GRM5: variants seen among roughly 807,000 people sequenced by gnomAD.
GRM5 encodes the protein glutamate metabotropic receptor 5, also known as metabotropic glutamate receptor 5.
In GRM5, 19 loss-of-function variants were observed where a neutral mutation model predicts 83.1. The observed-to-expected ratio is 0.23, with a 90% CI of 0.16 to 0.34. The LOEUF is 0.34. Among genes scored for constraint, GRM5 ranks in the 10% least tolerant of loss-of-function variants. The pLI is 1.00. For synonymous variants in GRM5, 675 were observed against 633.6 expected, an observed-to-expected ratio of 1.07 and a Z score of -0.98; for missense variants, 1,160 against 1,588.3, an observed-to-expected ratio of 0.73 and a Z score of 4.58.
At chr11:89,060,467 TA>T (rs1941969424) in intron 1 of GRM5, among the ~76,000 whole-genome samples, 1 of 152,058 alleles carries the variant, frequency 6.6e-6, no homozygotes, top group Admixed American at 6.6e-5. Context: ...GACAGTAGAA[TA>T]AAAAACGTAG....
chr11:88,898,634 TACAC>T (rs994027658), intron 2 of GRM5, among the ~76,000 whole-genome samples: 30 of 151,126 alleles, frequency 2.0e-4, no homozygotes, highest in African/African-American at 6.8e-4. Flanking sequence ...GTGTCATATA[TACAC>T]ACACACACAC....
At chr11:88,937,484 T>C (rs1459275970) in intron 2 of GRM5, among the ~76,000 whole-genome samples, 1 of 151,682 alleles carries the variant, frequency 6.6e-6, no homozygotes, top group African/African-American at 2.4e-5. Context: ...ATAGCTTCAT[T>C]TATCAGTAGT....
intron 1 of GRM5, among the ~76,000 whole-genome samples, chr11:89,057,512 A>G (rs1217845484): frequency 6.6e-6 from 1 of 152,202 alleles, no homozygotes; most frequent in African/African-American, 2.4e-5. Context: ...CATTAATTAA[A>G]AAGTTCTGGC....
chr11:88,612,349 T>G (rs1381159783), intron 4 of GRM5, among the ~76,000 whole-genome samples: 2 of 150,568 alleles, frequency 1.3e-5, no homozygotes, highest in Non-Finnish European at 3.0e-5. Context: ...TGCCACATTT[T>G]CTTAATCCAG....
At chr11:88,890,028 G>A (rs1270830959) in intron 2 of GRM5, among the ~76,000 whole-genome samples, 11 of 152,124 alleles carry the variant, frequency 7.2e-5, no homozygotes, top group Non-Finnish European at 2.9e-5. Flanking sequence ...TGTGTAATAA[G>A]TAGGCAGGAA....
chr11:88,888,719 T>C (rs1320860408), intron 2 of GRM5, among the ~76,000 whole-genome samples: 2 of 152,160 alleles, frequency 1.3e-5, no homozygotes, highest in African/African-American at 4.8e-5. Context: ...TTCTGAAAAG[T>C]TTTAATTAAT....
chr11:88,818,106 A>G (rs1001563245), intron 3 of GRM5, among the ~76,000 whole-genome samples: 2 of 152,108 alleles, frequency 1.3e-5, no homozygotes, highest in Admixed American at 1.3e-4. Flanking sequence ...AAACATAAAA[A>G]ACTATAAATC....
chr11:88,990,918 C>A (rs1939942581), intron 2 of GRM5, among the ~76,000 whole-genome samples: 1 of 152,214 alleles, frequency 6.6e-6, no homozygotes, highest in Non-Finnish European at 1.5e-5. Flanking sequence ...ACTGAATGGG[C>A]AAAAACTGGA....
intron 4 of GRM5, among the ~76,000 whole-genome samples, chr11:88,631,345 T>C (rs1347082808): frequency 6.6e-6 from 1 of 152,226 alleles, no homozygotes; most frequent in African/African-American, 2.4e-5. Context: ...TAATATGCTG[T>C]AAATCATCAT....
At chr11:88,531,265 A>T (rs1942001353) in intron 8 of GRM5, among the ~76,000 whole-genome samples, 1 of 152,092 alleles carries the variant, frequency 6.6e-6, no homozygotes, top group African/African-American at 2.4e-5. Flanking sequence ...TTAGGAGGGA[A>T]TTGGGTTTCA....
intron 3 of GRM5, among the ~76,000 whole-genome samples, chr11:88,717,971 G>C (rs1425251309): frequency 6.6e-6 from 1 of 151,684 alleles, no homozygotes; most frequent in Non-Finnish European, 1.5e-5. Context: ...GTTTTATTTA[G>C]GCAACAGACT....
intron 3 of GRM5, among the ~76,000 whole-genome samples, chr11:88,723,083 A>G (rs1029139261): frequency 6.6e-6 from 1 of 151,774 alleles, no homozygotes; most frequent in Non-Finnish European, 1.5e-5. Flanking sequence ...CTGTTTCCAT[A>G]GTTTTTCTTT....
At chr11:88,561,293 G>C (rs957982166) in intron 8 of GRM5, among the ~76,000 whole-genome samples, 2 of 152,140 alleles carry the variant, frequency 1.3e-5, no homozygotes, top group African/African-American at 4.8e-5. Context: ...TTAAAGCAAA[G>C]TTAATTAGTT....
chr11:88,917,598 A>G (rs978930694), intron 2 of GRM5, among the ~76,000 whole-genome samples: 5 of 152,156 alleles, frequency 3.3e-5, no homozygotes, highest in African/African-American at 1.2e-4. Context: ...ATTACAGAGA[A>G]GAAATTCAGA....
intron 2 of GRM5, among the ~76,000 whole-genome samples, chr11:88,940,350 T>A (rs2135664409): frequency 6.6e-6 from 1 of 150,504 alleles, no homozygotes; most frequent in Non-Finnish European, 1.5e-5. Flanking sequence ...TTAAAAGCAA[T>A]TCAGCCTCCA....
At chr11:88,990,281 C>T (rs1051522141) in intron 2 of GRM5, among the ~76,000 whole-genome samples, 18 of 152,186 alleles carry the variant, frequency 1.2e-4, no homozygotes, top group Middle Eastern at 3.4e-3. Context: ...ATAAATTCCT[C>T]GACCCATACA....
intron 2 of GRM5, among the ~76,000 whole-genome samples, chr11:88,859,097 GT>G: frequency 6.6e-6 from 1 of 152,046 alleles, no homozygotes; most frequent in African/African-American, 2.4e-5. Context: ...AAAACACTCT[GT>G]TGAAAACTAA....
chr11:88,592,871 T>C (rs1937674981), intron 6 of GRM5, among the ~76,000 whole-genome samples: 1 of 152,212 alleles, frequency 6.6e-6, no homozygotes, highest in Admixed American at 6.5e-5. Context: ...GGGAGTGCAG[T>C]GGCGCCATCT....
intron 4 of GRM5, among the ~76,000 whole-genome samples, chr11:88,612,430 A>G (rs1180279761): frequency 6.6e-5 from 10 of 151,788 alleles, no homozygotes; most frequent in South Asian, 2.1e-4. Flanking sequence ...ATAAACATAC[A>G]TGTGCATGTG....
Sources: allele counts gnomAD v4.1 joint callset (sites outside exome capture counted in the v4.1 genomes callset), GRCh38; gene constraint gnomAD v4.1.1; transcripts MANE v1.5; gene names NCBI Gene and HGNC (gene_info 2026-07-23, HGNC 2026-07-21).